The following SSPN variants were observed in gnomAD, a reference collection of about 807,000 sequenced individuals.
The protein encoded by SSPN is K-ras oncogene-associated protein.
A neutral mutation model predicts 19.1 loss-of-function variants in SSPN; 15 were observed. The observed-to-expected ratio is 0.78, with a 90% CI of 0.52 to 1.21. SSPN has a LOEUF of 1.21. Ranked by LOEUF, SSPN falls within the 50% of genes most tolerant of loss-of-function variation. SSPN has a pLI of 0.00. For missense variants in SSPN, 291 were observed against 314.0 expected (o/e 0.93, Z 0.55); for synonymous variants, 147 against 140.3 (o/e 1.05, Z -0.34).
rs371169708 is a variant in SSPN, at chr12:26,129,539, A to T, written c.-31+7387A>T. On this transcript the variant is annotated intron_variant, in intron 1 of 2. Coordinates refer to the SSPN transcript ENST00000538142. ...CACCAGAAGCCAGTATGACTTTAAA[A>T]TATTGATGATGTTATTTGCTGAAAG... Among the ~76,000 whole-genome samples, 10 of 152,344 alleles carry T rather than the reference A, an allele frequency of 6.6e-5. No homozygotes were observed. In the East Asian group the frequency reaches 1.3e-3, roughly 21 times the overall value.
Position 26,195,960 on chromosome 12 carries a change from C to T in SSPN, c.279+9C>T. 6.7e-7 allele frequency: 1 copy of T among 1,489,748 alleles called. No individual in the cohort carries two copies. Among genetic ancestry groups the T allele is most frequent in the African/African-American group, 1.5e-5 (1 of 68,574 alleles). The allele number at this position is 1,489,748 out of a possible 1,614,324, so 92.3% of individuals were successfully genotyped here. Reference sequence around the variant, plus strand: ...TTTGGGCTGGGATCATTGTAAGCATCAAGTCTGTTTTGCCTAAGCGCGTTT... The same window carrying T: ...TTTGGGCTGGGATCATTGTAAGCATTAAGTCTGTTTTGCCTAAGCGCGTTT... On this transcript the variant is annotated intron_variant, in intron 1 of 2. Transcript: ENST00000242729.
chr12:26,148,152 T>C (rs1347226021), intron 1 of SSPN, among the ~76,000 whole-genome samples: 7 of 152,204 alleles, frequency 4.6e-5, no homozygotes, highest in African/African-American at 1.7e-4. Flanking sequence ...GGGCTCTTAT[T>C]GAGGACCTAT....
At chr12:26,124,373 G>A (rs770301792) in intron 1 of SSPN, 1 of 930,970 alleles carries the variant, frequency 1.1e-6, no homozygotes, top group Admixed American at 1.9e-5. Flanking sequence ...ATATCCCCCT[G>A]AGAGTACCCA....
In SSPN at chr12:26,231,342, T is replaced by C; in HGVS notation, c.*266T>C. 2.6e-6 allele frequency: 1 copy of C among 383,528 alleles called. No homozygotes were observed. The highest frequency in any genetic ancestry group is 3.8e-5 in the South Asian group (1 of 26,382). The allele number at this position is 383,528 out of a possible 1,614,324, so 23.8% of individuals were successfully genotyped here. ...AACACTGAACAAGGAAAGAATGGCA[T>C]AGATCTATCTTTACAGTCTGGAGTT... On this transcript the variant is annotated 3_prime_UTR_variant, in exon 3 of 3. Transcript: ENST00000242729.
At chr12:26,228,230 T>A (rs1215882236) in intron 2 of SSPN, among the ~76,000 whole-genome samples, 1 of 151,860 alleles carries the variant, frequency 6.6e-6, no homozygotes, top group Non-Finnish European at 1.5e-5. Context: ...ACCCTGTCTC[T>A]ATCAAAAAAA....
chr12:26,128,368 A>G (rs1289011758), intron 1 of SSPN, among the ~76,000 whole-genome samples: 1 of 152,252 alleles, frequency 6.6e-6, no homozygotes, highest in South Asian at 2.1e-4. Flanking sequence ...TCAGTGAGTC[A>G]TTCAGTTGGC....
Position 26,195,720 on chromosome 12 carries a change from G to T in SSPN, c.48G>T (p.Pro16=). 7.2e-7 allele frequency: 1 copy of T among 1,393,894 alleles called. No individual in the cohort carries two copies. Among genetic ancestry groups the T allele is most frequent in the Non-Finnish European group, 9.3e-7 (1 of 1,078,352 alleles). The allele number at this position is 1,393,894 out of a possible 1,614,324, so 86.3% of individuals were successfully genotyped here. A position where few individuals can be genotyped will look rare whatever the true frequency, so the allele number is the denominator to read the frequency against. Residue 16 remains proline, a synonymous_variant, in exon 1 of 3, where the codon CCG becomes CCT. Coordinates refer to ENST00000242729, the MANE Select transcript of SSPN (RefSeq NM_005086.5). ...QPRGQQRQGG[P]PAADAAGPDD... Reference sequence around the variant, plus strand: ...GCGGCCAGCAGAGGCAGGGGGGCCCGCCGGCCGCGGACGCCGCTGGGCCCG... The same window carrying T: ...GCGGCCAGCAGAGGCAGGGGGGCCCTCCGGCCGCGGACGCCGCTGGGCCCG...
In SSPN at chr12:26,233,246, T is replaced by C. The variant is rs763278407; in HGVS notation, c.*2170T>C. The C allele has an allele frequency of 2.0e-5, 3 of 151,978 alleles. No homozygotes were observed. Among genetic ancestry groups the C allele is most frequent in the Non-Finnish European group, 4.4e-5 (3 of 68,002 alleles). 9.4% of individuals were successfully genotyped at this position (151,978 alleles called of 1,614,324 possible). On this transcript the variant is annotated 3_prime_UTR_variant, in exon 3 of 3. Transcript: ENST00000242729. The surrounding 1 kb of genome is among the most constrained non-coding windows in gnomAD (Gnocchi z 4.3). Reference sequence around the variant, plus strand: ...GGTATTTCAAATGGTAGAATCATTTTAGCTTCTGTGCTTCCTTTTTCTAAA... The same window carrying C: ...GGTATTTCAAATGGTAGAATCATTTCAGCTTCTGTGCTTCCTTTTTCTAAA...
intron 1 of SSPN, among the ~76,000 whole-genome samples, chr12:26,157,483 C>T (rs968962129): frequency 3.3e-5 from 5 of 152,122 alleles, no homozygotes; most frequent in East Asian, 1.9e-4. Flanking sequence ...CTCAGGCCTA[C>T]AAAAATTCAC....
intron 1 of SSPN, among the ~76,000 whole-genome samples, chr12:26,161,780 ATTAG>A: frequency 6.6e-6 from 1 of 152,302 alleles, no homozygotes; most frequent in South Asian, 2.1e-4. Flanking sequence ...ATCATGAGGT[ATTAG>A]TTAGATTTTC....
chr12:26,185,479 C>A (rs1445382240), intron 1 of SSPN, among the ~76,000 whole-genome samples: 1 of 152,140 alleles, frequency 6.6e-6, no homozygotes, highest in African/African-American at 2.4e-5. Context: ...TCAGCTCTTC[C>A]CCCACTCACA....
chr12:26,122,159 G>A, intron 1 of SSPN: 1 of 1,539,706 alleles, frequency 6.5e-7, no homozygotes, highest in East Asian at 2.5e-5. Context: ...GCAGGTGGGT[G>A]CGGCCGTGCG....
In SSPN at chr12:26,195,640, C is replaced by CGCT; in HGVS notation, c.-31_-30insTGC. On this transcript the variant is annotated 5_prime_UTR_variant, in exon 1 of 3. Transcript: ENST00000242729. The stretch of plus-strand genomic sequence containing the variant: ...GCTCCAGGGCCCAGGGCGCCGCACA[C>CGCT]GCACCCACCCACCCACCCAGCCTCG... The CGCT allele has an allele frequency of 2.4e-6, 3 of 1,230,342 alleles. No individual in the cohort carries two copies. The highest frequency in any genetic ancestry group is 3.0e-6 in the Non-Finnish European group (3 of 986,158). 76.2% of individuals were successfully genotyped at this position (1,230,342 alleles called of 1,614,324 possible). A position where few individuals can be genotyped will look rare whatever the true frequency, so the allele number is the denominator to read the frequency against.
intron 1 of SSPN, chr12:26,134,822 A>G (rs774741973): frequency 6.6e-6 from 1 of 151,864 alleles, no homozygotes; most frequent in Non-Finnish European, 1.5e-5. Context: ...TACCAGGCAC[A>G]TGGAGATTAG....
chr12:26,185,127 C>T (rs7979281), intron 1 of SSPN, among the ~76,000 whole-genome samples: 46,770 of 151,962 alleles, frequency 0.31, 8,225 homozygotes, highest in African/African-American at 0.49. Flanking sequence ...ATCCATGATA[C>T]TGAAAAAAAT....
Position 26,231,834 on chromosome 12 carries a change from C to A in SSPN, c.*758C>A. Reference sequence around the variant, plus strand: ...TTACATTATGCTTCTATTCTATCATCTAAAACAAATCATTAAAACTAATTT... The same window carrying A: ...TTACATTATGCTTCTATTCTATCATATAAAACAAATCATTAAAACTAATTT... On this transcript the variant is annotated 3_prime_UTR_variant, in exon 3 of 3. Coordinates refer to ENST00000242729, the MANE Select transcript of SSPN (RefSeq NM_005086.5). 1.5e-6 allele frequency: 1 copy of A among 648,756 alleles called. No homozygotes were observed. Among genetic ancestry groups the A allele is most frequent in the Non-Finnish European group, 1.9e-6 (1 of 522,770 alleles). The allele number at this position is 648,756 out of a possible 1,614,324, so 40.2% of individuals were successfully genotyped here. A position where few individuals can be genotyped will look rare whatever the true frequency, so the allele number is the denominator to read the frequency against.
At chr12:26,127,813 C>T (rs1297858547) in intron 1 of SSPN, among the ~76,000 whole-genome samples, 1 of 152,110 alleles carries the variant, frequency 6.6e-6, no homozygotes, top group African/African-American at 2.4e-5. Context: ...GAATCCCATT[C>T]CTGTTCTTTC....
At chr12:26,186,114 G>A (rs1462365008) in intron 1 of SSPN, among the ~76,000 whole-genome samples, 3 of 152,138 alleles carry the variant, frequency 2.0e-5, no homozygotes, top group Non-Finnish European at 2.9e-5. Flanking sequence ...GGGACGGCAA[G>A]TGTTGAGCTT....
intron 1 of SSPN, among the ~76,000 whole-genome samples, chr12:26,155,817 C>T (rs1026614472): frequency 6.6e-6 from 1 of 152,198 alleles, no homozygotes; most frequent in East Asian, 1.9e-4. Flanking sequence ...ACCACAGCAA[C>T]CTGTGCGGTG....
Sources: gnomAD v4.1 joint callset for allele counts (sites outside exome capture counted in the v4.1 genomes callset) on GRCh38, gnomAD v4.1.1 for gene constraint, Gnocchi (gnomAD v3.1) non-coding constraint, MANE v1.5 for transcripts, NCBI Gene and HGNC (gene_info 2026-07-23, HGNC 2026-07-21) for gene names.